Variants in CARNS1 observed in about 807,000 individuals in gnomAD.
CARNS1 encodes ATP-grasp domain containing 1.
CARNS1 carries 61 observed loss-of-function variants against 74.0 expected under a neutral mutation model. The observed-to-expected ratio is 0.82, with a 90% confidence interval of 0.67 to 1.02. The LOEUF (loss-of-function observed/expected upper bound fraction) is 1.02. CARNS1 is among the 50% of genes least tolerant of loss of function. The pLI, the probability that CARNS1 is intolerant of heterozygous loss-of-function variation, is 0.00. For missense variants in CARNS1, 1,278 were observed against 1,308.4 expected (o/e 0.98, Z 0.36); for synonymous variants, 568 against 605.5 (o/e 0.94, Z 0.91).
chr11:67,416,674 GCCAGGCCTGT>G, intron 2 of CARNS1: 1 of 991,172 alleles, frequency 1.0e-6, no homozygotes, highest in Non-Finnish European at 1.2e-6. Flanking sequence ...AGACTCAGCT[GCCAGGCCTGT>G]CCAGGCCTGG....
At chr11:67,418,059 T>C (rs1311477814) in intron 3 of CARNS1, among the ~76,000 whole-genome samples, 1 of 152,140 alleles carries the variant, frequency 6.6e-6, no homozygotes, top group Non-Finnish European at 1.5e-5. Flanking sequence ...TATCAGACTT[T>C]GTGTGGACAG....
At chr11:67,420,863 G>A (rs1298024570) in intron 8 of CARNS1, 23 bp downstream of exon 8, 45 of 1,267,950 alleles carry the variant, frequency 3.5e-5, no homozygotes, top group Non-Finnish European at 4.2e-5. Context: ...GGCCGGGGCC[G>A]GGGCCGGGAG....
intron 1 of CARNS1, 83 bp from the exon 2 acceptor site, chr11:67,416,093 C>G: frequency 1.2e-6 from 1 of 867,284 alleles, no homozygotes; most frequent in Admixed American, 2.0e-5. Context: ...TCTCCACTCC[C>G]AAAGTCTAGG....
rs1400442404 is a variant in CARNS1, at chr11:67,423,403, A to G, written c.1655A>G (p.His552Arg). The G allele has an allele frequency of 6.2e-7, 1 of 1,608,740 alleles. No individual in the cohort carries two copies. The highest frequency in any genetic ancestry group is 8.5e-7 in the Non-Finnish European group (1 of 1,175,938). The change falls in exon 10 of 10, where the codon CAC becomes CGC. Residue 552 changes from histidine to arginine, a missense_variant. His to Arg is a conservative substitution (Grantham distance 29). Transcript: ENST00000687366. This position sits in a 1 kb window ranked among gnomAD's most constrained non-coding sequence, Gnocchi z 5.1. ...QLHLVESDPNHFASQLVQTFI... is the reference protein window; with the variant it reads ...QLHLVESDPNRFASQLVQTFI... The stretch of plus-strand genomic sequence containing the variant: ...CACCTCGTGGAGTCAGACCCCAACC[A>G]CTTTGCATCCCAGTTGGTACAGACC...
At position 67,421,120 on chromosome 11, in the gene CARNS1, G is replaced by C; in HGVS notation, c.1527G>C (p.Ser509=). Residue 509 remains serine (S), a synonymous_variant, in exon 9 of 10, where the codon TCG becomes TCC. Coordinates refer to ENST00000687366, the MANE Select transcript of CARNS1 (RefSeq NM_001166222.2). ...TGGTGGAGACCATGCTTCGGCGGTC[G>C]GCGCGCTGCCTCATGGAGGGAAAAC... ...APLVETMLRR[S]ARCLMEGKQL... is the part of the protein sequence containing the mutation. 1.4e-6 allele frequency: 2 copies of C among 1,462,536 alleles called. No homozygotes were observed. Among genetic ancestry groups the C allele is most frequent in the Non-Finnish European group, 1.8e-6 (2 of 1,114,274 alleles). 90.6% of individuals were successfully genotyped at this position (1,462,536 alleles called of 1,614,324 possible). A position where few individuals can be genotyped will look rare whatever the true frequency, so the allele number is the denominator to read the frequency against.
At position 67,424,471 on chromosome 11, in the gene CARNS1, C is replaced by A. The variant is rs756952585; in HGVS notation, c.2723C>A (p.Pro908His). 1 of 1,588,730 alleles carries A rather than the reference C, an allele frequency of 6.3e-7. No homozygotes were observed. Among genetic ancestry groups the A allele is most frequent in the South Asian group, 1.1e-5 (1 of 87,920 alleles). ...EALVPGEYEE[P>H]YCSVACAGPS... ...CTGGTGCCTGGCGAGTATGAGGAGC[C>A]CTACTGCAGTGTGGCCTGTGCCGGA... The change falls in exon 10 of 10, where the codon CCC (proline) becomes CAC (histidine). Residue 908 changes from proline to histidine, a missense_variant. Coordinates refer to ENST00000687366, the MANE Select transcript of CARNS1 (RefSeq NM_001166222.2).
Position 67,419,189 on chromosome 11 carries a change from G to A in CARNS1, c.798G>A (p.Val266=), listed in dbSNP as rs755715768. 6.6e-7 allele frequency: 1 copy of A among 1,520,212 alleles called. No homozygotes were observed. The highest frequency in any genetic ancestry group is 8.9e-7 in the Non-Finnish European group (1 of 1,129,630). The allele number at this position is 1,520,212 out of a possible 1,614,324, so 94.2% of individuals were successfully genotyped here. The change falls in exon 5 of 10, where the codon GTG becomes GTA. Residue 266 remains valine (V), a synonymous_variant. Transcript: ENST00000687366. ...GCAAAGAGGGCCAGGAGACGCTGGT[G>A]AAAGAGGAAGTGGAGGCTTTTCTGC... ...LSGKEGQETL[V]KEEVEAFLRS...
Position 67,423,753 on chromosome 11 carries a change from C to A in CARNS1, c.2005C>A (p.Pro669Thr). 1 of 1,586,894 alleles carries A rather than the reference C, an allele frequency of 6.3e-7. No individual in the cohort carries two copies. Among genetic ancestry groups the A allele is most frequent in the Non-Finnish European group, 8.5e-7 (1 of 1,171,756 alleles). Residue 669 changes from proline (P) to threonine (T), a missense_variant, in exon 10 of 10, where the codon CCC becomes ACC. By Grantham distance (38) the Pro-to-Thr change is conservative (BLOSUM62 -1). Coordinates refer to ENST00000687366, the MANE Select transcript of CARNS1 (RefSeq NM_001166222.2). This position sits in a 1 kb window ranked among gnomAD's most constrained non-coding sequence, Gnocchi z 5.1. ...TGTGGAGAGGGCCGTGCACCAGGTACCCCTGCCAGGTGTCATGAAGCTGGA... is the reference window on the plus strand; with the variant it reads ...TGTGGAGAGGGCCGTGCACCAGGTAACCCTGCCAGGTGTCATGAAGCTGGA... ...ADVERAVHQV[P>T]LPGVMKLEFG...
At position 67,416,025 on chromosome 11, in the gene CARNS1, T is replaced by A. The variant is rs1039557455; in HGVS notation, c.-24-151T>A. On this transcript the variant is annotated intron_variant, in intron 1 of 9. Coordinates refer to ENST00000687366, the MANE Select transcript of CARNS1 (RefSeq NM_001166222.2). ...TGGGCAGCAGAAATCCCTCCCTACC[T>A]TCGGGGTGGGGGTGGGGCTGCCTTG... The A allele has an allele frequency of 7.7e-6, 5 of 649,998 alleles. No homozygotes were observed. In the East Asian group the frequency reaches 1.4e-4, roughly 18 times the overall value. The allele number at this position is 649,998 out of a possible 1,614,324, so 40.3% of individuals were successfully genotyped here.
chr11:67,422,402 C>G (rs997116577), intron 9 of CARNS1, among the ~76,000 whole-genome samples: 1 of 151,770 alleles, frequency 6.6e-6, no homozygotes, highest in African/African-American at 2.4e-5. Flanking sequence ...AGGCTGGTCT[C>G]GAACTCCTGA....
chr11:67,418,236 C>G (rs1863597735), intron 3 of CARNS1, among the ~76,000 whole-genome samples, 195 bp from the exon 4 acceptor site: 1 of 152,192 alleles, frequency 6.6e-6, no homozygotes, highest in Non-Finnish European at 1.5e-5. Flanking sequence ...TCTGGAACAG[C>G]TGCAGAAAGG....
rs1863573753 is a variant in CARNS1 at position 67,417,493 on chromosome 11, T to C, written c.90T>C (p.Ser30=). The C allele has an allele frequency of 6.9e-7, 1 of 1,446,232 alleles. No individual in the cohort carries two copies. The highest frequency in any genetic ancestry group is 9.1e-7 in the Non-Finnish European group (1 of 1,102,812). The allele number at this position is 1,446,232 out of a possible 1,614,324, so 89.6% of individuals were successfully genotyped here. The change falls in exon 3 of 10, where the codon TCT becomes TCC. Residue 30 remains serine, a synonymous_variant. Transcript: ENST00000687366. ...AAGAGGGCCCCTGGGGAGGGGGCTC[T>C]GGCCTGCCGCCCACAGGCTGCTTCC... is the stretch of plus-strand genomic sequence containing the variant. ...LEEEGPWGGG[S]GLPPTGCFPG... is the part of the protein sequence containing the mutation.
chr11:67,419,938 G>C (rs1384756458), intron 7 of CARNS1, 100 bp downstream of exon 7: 1 of 1,243,482 alleles, frequency 8.0e-7, no homozygotes, highest in East Asian at 2.5e-5. Context: ...TCTGGGCAGA[G>C]AGGACAAAAT....
Position 67,423,998 on chromosome 11 carries a change from C to T in CARNS1, c.2250C>T (p.Ser750=), listed in dbSNP as rs751514911. The T allele has an allele frequency of 5.5e-5, 89 of 1,612,960 alleles. No individual in the cohort carries two copies. The highest frequency in any genetic ancestry group is 1.6e-4 in the Middle Eastern group (1 of 6,084). ...FGGRLLAAFV[S]DNGPTRLPGF... is the part of the protein sequence containing the mutation. ...GGCGGTTGCTGGCTGCCTTTGTCTC[C>T]GACAATGGCCCTACGAGGCTGCCTG... Residue 750 remains serine (S), a synonymous_variant, in exon 10 of 10, where the codon TCC becomes TCT. Transcript: ENST00000687366. This position sits in a 1 kb window ranked among gnomAD's most constrained non-coding sequence, Gnocchi z 5.1.
In CARNS1 at chr11:67,419,800, G is replaced by T. The variant is rs1439046786; in HGVS notation, c.1075G>T (p.Val359Leu). 1 of 1,601,044 alleles carries T rather than the reference G, an allele frequency of 6.2e-7. No individual in the cohort carries two copies. The highest frequency in any genetic ancestry group is 8.5e-7 in the Non-Finnish European group (1 of 1,174,354). ...PGLAVRICAV[V>L]CRTQGDRPLL... ...CCTGGCCGTGCGAATCTGTGCTGTG[G>T]TGTGTCGGACACAGGGTGATAGGCC... The change falls in exon 7 of 10, where the codon GTG becomes TTG. Residue 359 changes from valine (V) to leucine (L), a missense_variant. Around this residue, in one of 3 missense-constraint regions of CARNS1, gnomAD observed 1,164 missense variants for 1,156.5 expected, o/e 1.01. Transcript: ENST00000687366.
intron 5 of CARNS1, 61 bp downstream of exon 5, chr11:67,419,304 C>T (rs1280698656): frequency 1.6e-5 from 23 of 1,466,412 alleles, no homozygotes; most frequent in South Asian, 2.8e-5. Flanking sequence ...GACCCAGGCA[C>T]GGTTACCAAG....
At position 67,425,459 on chromosome 11, in the gene CARNS1, C is replaced by CTTTTTTAATGAT; in HGVS notation, c.*858_*859insTTTTTTAATGAT. 5 of 210,682 alleles carry CTTTTTTAATGAT rather than the reference C, an allele frequency of 2.4e-5. No individual in the cohort carries two copies. Among genetic ancestry groups the CTTTTTTAATGAT allele is most frequent in the Admixed American group, 5.1e-5 (1 of 19,582 alleles). The allele number at this position is 210,682 out of a possible 1,614,324, so 13.1% of individuals were successfully genotyped here. On this transcript the variant is annotated 3_prime_UTR_variant, in exon 10 of 10. Transcript: ENST00000687366. The stretch of plus-strand genomic sequence containing the variant: ...CGAGCTTTGGTGCTTTGGCCTCTGG[C>CTTTTTTAATGAT]ACACCTAACTAGCATTGGCAGAGGA...
In CARNS1 at chr11:67,417,233, C is replaced by T. The variant is rs567652483; in HGVS notation, c.4-174C>T. On this transcript the variant is annotated intron_variant, in intron 2 of 9. Transcript: ENST00000687366. The stretch of plus-strand genomic sequence containing the variant: ...AGTTTACAAAGCACTCCCACGGTTG[C>T]GTTCCCATTAACAAGCCTTCGCCCC... The T allele has an allele frequency of 2.0e-4, 250 of 1,234,664 alleles. No homozygotes were observed. In the South Asian group the frequency reaches 7.6e-3, roughly 38 times the overall value. The allele number at this position is 1,234,664 out of a possible 1,614,324, so 76.5% of individuals were successfully genotyped here.
At chr11:67,416,946 C>T (rs1863558838) in intron 2 of CARNS1, 3 of 988,954 alleles carry the variant, frequency 3.0e-6, no homozygotes, top group South Asian at 4.7e-5. Flanking sequence ...CACTCCATGC[C>T]GGGTCATGAG....
Sources: gnomAD v4.1 joint callset for allele counts (sites outside exome capture counted in the v4.1 genomes callset) on GRCh38, gnomAD v4.1.1 for gene constraint, gnomAD v4.1.1 regional missense constraint, Gnocchi (gnomAD v3.1) non-coding constraint, MANE v1.5 for transcripts, NCBI Gene and HGNC (gene_info 2026-07-23, HGNC 2026-07-21) for gene names.